The following GDPD5 variants were observed in gnomAD, a reference collection of about 807,000 sequenced individuals.
GDPD5 encodes the protein glycerophosphodiester phosphodiesterase 2.
Under a neutral mutation model 75.1 loss-of-function variants are expected in GDPD5, and 48 were observed. That is an observed-to-expected ratio of 0.64 (90% CI 0.51 to 0.81). The LOEUF is 0.81. Among genes scored for constraint, GDPD5 ranks in the 40% least tolerant of loss-of-function variants. GDPD5 has a pLI of 0.00. For missense variants in GDPD5, 706 were observed against 822.6 expected (o/e 0.86, Z 1.73); for synonymous variants, 336 against 339.0 (o/e 0.99, Z 0.10).
intron 2 of GDPD5, among the ~76,000 whole-genome samples, chr11:75,489,440 G>A (rs894018577): frequency 6.6e-6 from 1 of 152,220 alleles, no homozygotes; most frequent in African/African-American, 2.4e-5. Flanking sequence ...TCACCTTGGT[G>A]ACCAATGAAA....
At chr11:75,468,686 C>T (rs544765168) in intron 3 of GDPD5, among the ~76,000 whole-genome samples, 4 of 151,912 alleles carry the variant, frequency 2.6e-5, no homozygotes, top group East Asian at 1.9e-4. Flanking sequence ...GACGCCCCCC[C>T]CCCGGGAGGT....
At chr11:75,487,774 G>A (rs1231666091) in intron 2 of GDPD5, among the ~76,000 whole-genome samples, 1 of 152,176 alleles carries the variant, frequency 6.6e-6, no homozygotes, top group Non-Finnish European at 1.5e-5. Flanking sequence ...TCCCAGGTCA[G>A]GGCTATGAGC....
chr11:75,503,324 A>T (rs959194481), intron 1 of GDPD5, among the ~76,000 whole-genome samples: 3 of 152,210 alleles, frequency 2.0e-5, no homozygotes, highest in Admixed American at 1.3e-4. Context: ...CCCAGCCATG[A>T]TTGTTCCTAT....
At chr11:75,508,665 C>T (rs956863953) in intron 1 of GDPD5, among the ~76,000 whole-genome samples, 11 of 152,300 alleles carry the variant, frequency 7.2e-5, no homozygotes, top group African/African-American at 2.4e-4. Flanking sequence ...ATATCTTTCT[C>T]CCTGCCTGCC....
chr11:75,466,964 C>T (rs150284238), intron 3 of GDPD5, among the ~76,000 whole-genome samples: 1 of 152,200 alleles, frequency 6.6e-6, no homozygotes, highest in East Asian at 1.9e-4. Context: ...CCCTCTGGGA[C>T]CCAGTATGGC....
At chr11:75,440,476 G>A (rs1013185992) in intron 14 of GDPD5, among the ~76,000 whole-genome samples, 2 of 152,194 alleles carry the variant, frequency 1.3e-5, no homozygotes, top group Non-Finnish European at 2.9e-5. Context: ...TGACAGTGGA[G>A]CCACCACCTA....
chr11:75,498,636 GAAC>G (rs1479140714), intron 1 of GDPD5, among the ~76,000 whole-genome samples: 2 of 152,214 alleles, frequency 1.3e-5, no homozygotes, highest in Non-Finnish European at 2.9e-5. Flanking sequence ...TCATCTGGGA[GAAC>G]AATGGGGGCG....
intron 1 of GDPD5, among the ~76,000 whole-genome samples, chr11:75,524,291 A>G (rs1941578888): frequency 6.6e-6 from 1 of 152,200 alleles, no homozygotes; most frequent in Admixed American, 6.5e-5. Context: ...CAACCACACT[A>G]ATTCTCACCA....
At chr11:75,481,078 G>C (rs1242805606) in intron 2 of GDPD5, among the ~76,000 whole-genome samples, 3 of 152,166 alleles carry the variant, frequency 2.0e-5, no homozygotes, top group Admixed American at 6.5e-5. Flanking sequence ...CTTATGGTAA[G>C]TGCAGTGTAT....
At position 75,449,891 on chromosome 11, in the gene GDPD5, G is replaced by A. The variant is rs771632107; in HGVS notation, c.468C>T (p.Ser156=). Residue 156 remains serine (S), a synonymous_variant, in exon 7 of 17, where the codon TCC becomes TCT. Transcript: ENST00000336898. ...WEDEWEVLLI[S]LQGTAPFLHV... ...GGGGACCCTCCTCACTCACCTGCAG[G>A]GAGATCAGCAGCACCTCCCACTCGT... is the stretch of plus-strand genomic sequence containing the variant. 2 of 1,613,528 alleles carry A rather than the reference G, an allele frequency of 1.2e-6. No homozygotes were observed. Among genetic ancestry groups the A allele is most frequent in the Non-Finnish European group, 1.7e-6 (2 of 1,179,794 alleles).
intron 1 of GDPD5, among the ~76,000 whole-genome samples, chr11:75,518,988 A>G (rs1950700169): frequency 6.6e-6 from 1 of 152,174 alleles, no homozygotes; most frequent in Non-Finnish European, 1.5e-5. Flanking sequence ...AAGAACTCAA[A>G]GCAGGCCTGT....
At position 75,439,975 on chromosome 11, in the gene GDPD5, G is replaced by A. The variant is rs1592054641; in HGVS notation, c.1474-14C>T. On this transcript the variant is annotated splice_polypyrimidine_tract_variant and intron_variant, in intron 14 of 16. Coordinates refer to ENST00000336898, the MANE Select transcript of GDPD5 (RefSeq NM_030792.8). ...CTCGTCCGGGGGCTGTGGACAGACG[G>A]CCCGAGGCCAACTTCCAGTCATGGC... 1 of 1,606,026 alleles carries A rather than the reference G, an allele frequency of 6.2e-7. No individual in the cohort carries two copies.
chr11:75,457,617 C>G (rs1949311628), intron 5 of GDPD5, 76 bp downstream of exon 5: 2 of 1,196,442 alleles, frequency 1.7e-6, no homozygotes, highest in Non-Finnish European at 2.5e-6. Context: ...GTGGGACCCT[C>G]CATCAGCCCA....
At chr11:75,512,872 G>A (rs1336179434) in intron 1 of GDPD5, among the ~76,000 whole-genome samples, 1 of 152,208 alleles carries the variant, frequency 6.6e-6, no homozygotes, top group Non-Finnish European at 1.5e-5. Context: ...GGCAACAAGA[G>A]CGAAACTCTG....
chr11:75,492,867 C>A (rs922410331), intron 1 of GDPD5, among the ~76,000 whole-genome samples: 2 of 151,878 alleles, frequency 1.3e-5, no homozygotes, highest in Non-Finnish European at 2.9e-5. Flanking sequence ...CGAGTAGCTG[C>A]GATTACAGAC....
At chr11:75,462,930 C>T in intron 3 of GDPD5, 41 bp from the exon 4 acceptor site, 1 of 1,533,640 alleles carries the variant, frequency 6.5e-7, no homozygotes, top group Non-Finnish European at 9.0e-7. Flanking sequence ...GGGTCAGGGG[C>T]CAGCCCCTTA....
At chr11:75,440,812 C>T (rs568148439) in intron 14 of GDPD5, among the ~76,000 whole-genome samples, 11 of 152,356 alleles carry the variant, frequency 7.2e-5, no homozygotes, top group Admixed American at 7.2e-4. Context: ...CCTGCCTCTG[C>T]TTCCCAAAAT....
chr11:75,501,350 G>A (rs1452718173), intron 1 of GDPD5, among the ~76,000 whole-genome samples: 1 of 152,218 alleles, frequency 6.6e-6, no homozygotes, highest in African/African-American at 2.4e-5. Context: ...AAACACATGC[G>A]AACACACAGA....
In GDPD5 at chr11:75,449,474, C is replaced by T. The variant is rs202227879; in HGVS notation, c.568+43G>A. 122 of 1,522,648 alleles carry T rather than the reference C, an allele frequency of 8.0e-5. 1 individual carries two copies. Among genetic ancestry groups the T allele is most frequent in the African/African-American group, 4.1e-4 (30 of 72,892 alleles). 94.3% of individuals were successfully genotyped at this position (1,522,648 alleles called of 1,614,324 possible). A position where few individuals can be genotyped will look rare whatever the true frequency, so the allele number is the denominator to read the frequency against. On this transcript the variant is annotated intron_variant, in intron 8 of 16. Coordinates refer to ENST00000336898, the MANE Select transcript of GDPD5 (RefSeq NM_030792.8). ...GGGGCAGCACCAGCTGGTCTTGGCA[C>T]CTGCAGGGATTGGAGGGGCAGGCCC...
Sources: gnomAD v4.1 joint callset for allele counts (sites outside exome capture counted in the v4.1 genomes callset) on GRCh38, gnomAD v4.1.1 for gene constraint, MANE v1.5 for transcripts, NCBI Gene and HGNC (gene_info 2026-07-23, HGNC 2026-07-21) for gene names.